RABGAP1L: variants seen among roughly 807,000 people sequenced by gnomAD.
RABGAP1L encodes RAB GTPase activating protein 1 like, also known as rab GTPase-activating protein 1-like.
RABGAP1L carries 63 observed loss-of-function variants against 137.7 expected under a neutral mutation model. That is an observed-to-expected ratio of 0.46 (90% CI 0.37 to 0.56). The LOEUF (loss-of-function observed/expected upper bound fraction) is 0.56. RABGAP1L is among the 20% of genes least tolerant of loss of function. The pLI, the probability that RABGAP1L is intolerant of heterozygous loss-of-function variation, is 0.00. For synonymous variants in RABGAP1L, 431 were observed against 433.7 expected, an observed-to-expected ratio of 0.99 and a Z score of 0.08; for missense variants, 1,095 against 1,244.0, an observed-to-expected ratio of 0.88 and a Z score of 1.80.
chr1:174,863,470 G>A (rs1650646851), intron 19 of RABGAP1L, among the ~76,000 whole-genome samples: 1 of 150,940 alleles, frequency 6.6e-6, no homozygotes, highest in Non-Finnish European at 1.5e-5. Flanking sequence ...TCAGGAGATC[G>A]AGACCATCCT....
intron 1 of RABGAP1L, among the ~76,000 whole-genome samples, chr1:174,196,348 C>T (rs551600928): frequency 5.4e-4 from 81 of 151,288 alleles, no homozygotes; most frequent in African/African-American, 1.9e-3. Context: ...CTCAGCCTTC[C>T]GAGCAGCTGG....
At chr1:174,375,335 AC>A (rs1348404500) in intron 12 of RABGAP1L, among the ~76,000 whole-genome samples, 1 of 151,770 alleles carries the variant, frequency 6.6e-6, no homozygotes, top group African/African-American at 2.4e-5. Flanking sequence ...AAAGAGAAAA[AC>A]CCAAAGCAAG....
chr1:174,848,774 C>A (rs1647568295), intron 19 of RABGAP1L, among the ~76,000 whole-genome samples: 2 of 150,410 alleles, frequency 1.3e-5, no homozygotes, highest in South Asian at 4.2e-4. Flanking sequence ...AGCTTCCCGG[C>A]TGCTTTGTTT....
Position 174,784,356 on chromosome 1 carries a change from A to G in RABGAP1L, c.2212-27476A>G, listed in dbSNP as rs1434645714. ...CTTTTATTTGGATAACTATAGATTT[A>G]CCTACTTATTCTCTATTCTTCCTTC... On this transcript the variant is annotated intron_variant, in intron 18 of 25. Transcript: ENST00000681986. Among the ~76,000 whole-genome samples, 4 of 151,702 alleles carry G rather than the reference A, an allele frequency of 2.6e-5. No homozygotes were observed. In the East Asian group the frequency reaches 7.7e-4, roughly 29 times the overall value.
intron 19 of RABGAP1L, among the ~76,000 whole-genome samples, chr1:174,812,538 T>C (rs1348125107): frequency 6.6e-6 from 1 of 152,258 alleles, no homozygotes; most frequent in Non-Finnish European, 1.5e-5. Context: ...ACCAATTTAC[T>C]GATGTTAATT....
intron 13 of RABGAP1L, among the ~76,000 whole-genome samples, chr1:174,615,190 T>C (rs1224660043): frequency 6.6e-6 from 1 of 152,246 alleles, no homozygotes; most frequent in Non-Finnish European, 1.5e-5. Context: ...TGCTCTGTTT[T>C]TTCCCCATCT....
chr1:174,282,908 G>A (rs1452073506), intron 10 of RABGAP1L, among the ~76,000 whole-genome samples: 1 of 152,190 alleles, frequency 6.6e-6, no homozygotes, highest in African/African-American at 2.4e-5. Context: ...GACTGTAGAT[G>A]TATAAGTCTG....
At chr1:174,399,052 T>G (rs188377236) in intron 13 of RABGAP1L, among the ~76,000 whole-genome samples, 1 of 152,174 alleles carries the variant, frequency 6.6e-6, no homozygotes, top group Admixed American at 6.6e-5. Flanking sequence ...ATCAAAAACA[T>G]TTTCATACAA....
chr1:174,911,889 C>A (rs1660113356), intron 19 of RABGAP1L, among the ~76,000 whole-genome samples: 1 of 152,186 alleles, frequency 6.6e-6, no homozygotes, highest in African/African-American at 2.4e-5. Flanking sequence ...GATTTTACTA[C>A]TTTTCTCTGC....
Position 174,992,366 on chromosome 1 carries a change from G to A in RABGAP1L, c.*2365G>A, listed in dbSNP as rs1394641448. On this transcript the variant is annotated 3_prime_UTR_variant, in exon 26 of 26. Coordinates refer to ENST00000681986, the MANE Select transcript of RABGAP1L (RefSeq NM_001366446.1). ...GAGGCAGGAGAATCACTTGAACCCA[G>A]GAGGCAGAGGTTGCAGTGGGCCAAG... 1 of 152,208 alleles carries A rather than the reference G, an allele frequency of 6.6e-6. No homozygotes were observed. The highest frequency in any genetic ancestry group is 2.4e-5 in the African/African-American group (1 of 41,430). 9.4% of individuals were successfully genotyped at this position (152,208 alleles called of 1,614,324 possible).
rs1670433368 is a variant in RABGAP1L, at chr1:174,974,127, T to TGTAGTCCC, written c.2545-1951_2545-1950insGTAGTCCC. Reference sequence around the variant, plus strand: ...CCTCAGCCTCCTGAGTAGCTGGGACTACAGGCACCTGCCACCATGCCCGGC... The same window carrying TGTAGTCCC: ...CCTCAGCCTCCTGAGTAGCTGGGACTGTAGTCCCACAGGCACCTGCCACCATGCCCGGC... On this transcript the variant is annotated intron_variant, in intron 21 of 25. Transcript: ENST00000681986. Among the ~76,000 whole-genome samples, 4 of 152,176 alleles carry TGTAGTCCC rather than the reference T, an allele frequency of 2.6e-5. 1 individual carries two copies. The highest frequency in any genetic ancestry group is 3.9e-4 in the East Asian group (2 of 5,168).
At chr1:174,955,946 A>G (rs976986735) in intron 19 of RABGAP1L, among the ~76,000 whole-genome samples, 2 of 152,180 alleles carry the variant, frequency 1.3e-5, no homozygotes, top group Non-Finnish European at 2.9e-5. Flanking sequence ...AATATAAGTA[A>G]GGGAATTCTA....
chr1:174,223,264 TAAAAAAAAAAAAAAAAA>T (rs550034492), intron 3 of RABGAP1L, among the ~76,000 whole-genome samples: 8,176 of 40,294 alleles, frequency 0.2, 1,056 homozygotes, highest in African/African-American at 0.45. Flanking sequence ...AGACTCTGTC[TAAAAAAAAAAAAAAAAA>T]AAAAAAAAAA....
At chr1:174,907,366 G>T (rs886513319) in intron 19 of RABGAP1L, among the ~76,000 whole-genome samples, 2 of 152,086 alleles carry the variant, frequency 1.3e-5, no homozygotes, top group African/African-American at 4.8e-5. Flanking sequence ...AGACTGGACT[G>T]CAGTGGCATG....
At chr1:174,686,141 G>C (rs760027629) in intron 15 of RABGAP1L, among the ~76,000 whole-genome samples, 9 of 152,182 alleles carry the variant, frequency 5.9e-5, no homozygotes, top group East Asian at 1.9e-4. Context: ...CAAATGTAAC[G>C]AGAGGCCAAA....
At chr1:174,670,532 CT>C (rs998342473) in intron 14 of RABGAP1L, among the ~76,000 whole-genome samples, 1 of 152,120 alleles carries the variant, frequency 6.6e-6, no homozygotes, top group Non-Finnish European at 1.5e-5. Flanking sequence ...CCCACCTTTT[CT>C]CTGCATTCTC....
intron 19 of RABGAP1L, among the ~76,000 whole-genome samples, chr1:174,907,012 C>T (rs1251925884): frequency 6.6e-6 from 1 of 151,974 alleles, no homozygotes; most frequent in Admixed American, 6.6e-5. Flanking sequence ...TTCACCACCA[C>T]CGGGCTTATC....
rs764828692 is a variant in RABGAP1L, at chr1:174,386,266, G to A, written c.1560-7729G>A. 5.3e-5 allele frequency among the ~76,000 whole-genome samples: 8 copies of A among 152,090 alleles called. 1 individual carries two copies. The highest frequency in any genetic ancestry group is 1.2e-4 in the African/African-American group (5 of 41,406). ...TTGTTGCAGCAGCTCTCTGAGGTAG[G>A]TATTATTATATCTTCATTTTAGAGG... On this transcript the variant is annotated intron_variant, in intron 12 of 25. Transcript: ENST00000681986.
chr1:174,841,962 A>G (rs1693460515), intron 19 of RABGAP1L, among the ~76,000 whole-genome samples: 1 of 152,166 alleles, frequency 6.6e-6, no homozygotes, highest in Non-Finnish European at 1.5e-5. Context: ...GCTCAGAAAT[A>G]GCACTAGTGA....
Sources: gnomAD v4.1 joint callset for allele counts (sites outside exome capture counted in the v4.1 genomes callset) on GRCh38, gnomAD v4.1.1 for gene constraint, MANE v1.5 for transcripts, NCBI Gene and HGNC (gene_info 2026-07-23, HGNC 2026-07-21) for gene names.